Variants in SPAG16 observed in about 807,000 individuals in gnomAD.
The protein encoded by SPAG16 is sperm associated antigen 16.
SPAG16 carries 86 observed loss-of-function variants against 80.4 expected under a neutral mutation model. That is an observed-to-expected ratio of 1.07 (90% CI 0.90 to 1.28). SPAG16 has a LOEUF of 1.28. Ranked by LOEUF, SPAG16 falls within the 50% of genes most tolerant of loss-of-function variation. The pLI, the probability that SPAG16 is intolerant of heterozygous loss-of-function variation, is 0.00. For missense variants in SPAG16, 870 were observed against 765.3 expected (o/e 1.14, Z -1.61); for synonymous variants, 294 against 265.9 (o/e 1.11, Z -1.03).
chr2:213,607,584 T>C (rs1464291058), intron 10 of SPAG16, among the ~76,000 whole-genome samples: 1 of 152,218 alleles, frequency 6.6e-6, no homozygotes, highest in Non-Finnish European at 1.5e-5. Flanking sequence ...ATTTTATATC[T>C]GATGAAGAAA....
At chr2:213,722,742 ACT>A (rs1470606005) in intron 10 of SPAG16, among the ~76,000 whole-genome samples, 2 of 152,124 alleles carry the variant, frequency 1.3e-5, no homozygotes, top group Non-Finnish European at 2.9e-5. Flanking sequence ...ATGCAGATTG[ACT>A]CTGAATTGTC....
At chr2:213,371,174 C>T (rs1192577988) in intron 8 of SPAG16, among the ~76,000 whole-genome samples, 1 of 151,904 alleles carries the variant, frequency 6.6e-6, no homozygotes, top group Non-Finnish European at 1.5e-5. Context: ...TTTGGGAAGC[C>T]GACGCAGGCG....
chr2:214,207,062 A>G lies in SPAG16; in HGVS notation c.1720+57796A>G, dbSNP rs1480126586. Among the ~76,000 whole-genome samples the G allele has an allele frequency of 2.0e-5, 3 of 152,172 alleles. No individual in the cohort carries two copies. The East Asian group carries it at 5.8e-4, about 29-fold the overall frequency. On this transcript the variant is annotated intron_variant, in intron 15 of 15. Coordinates refer to ENST00000331683, the MANE Select transcript of SPAG16 (RefSeq NM_024532.5). ...CTATTAAAGAGGTAGTTTCTTTAGA[A>G]TTGCCAGAACATTTAATCCTTCACT...
intron 10 of SPAG16, among the ~76,000 whole-genome samples, chr2:213,826,940 A>G (rs1202635476): frequency 6.6e-6 from 1 of 151,826 alleles, no homozygotes; most frequent in Admixed American, 6.6e-5. Flanking sequence ...ATATATCATC[A>G]TACTGAATTG....
At chr2:213,729,014 A>T (rs1177159262) in intron 10 of SPAG16, among the ~76,000 whole-genome samples, 3 of 147,698 alleles carry the variant, frequency 2.0e-5, no homozygotes, top group African/African-American at 7.5e-5. Flanking sequence ...TTATTTTTTG[A>T]TGGGGATAGT....
At chr2:214,172,260 A>C (rs1045307722) in intron 15 of SPAG16, among the ~76,000 whole-genome samples, 11 of 151,690 alleles carry the variant, frequency 7.3e-5, no homozygotes, top group Admixed American at 4.0e-4. Context: ...CCTACCCCAC[A>C]ACAGTCCCCA....
chr2:214,020,339 A>G (rs1187500140), intron 13 of SPAG16, among the ~76,000 whole-genome samples: 1 of 152,162 alleles, frequency 6.6e-6, no homozygotes, highest in Non-Finnish European at 1.5e-5. Flanking sequence ...CTGGTATTTT[A>G]TGTATGTAAT....
intron 12 of SPAG16, among the ~76,000 whole-genome samples, chr2:213,933,362 A>T (rs1294988422): frequency 6.6e-6 from 1 of 152,214 alleles, no homozygotes; most frequent in Non-Finnish European, 1.5e-5. Context: ...TTTAAAATGC[A>T]GCAATTTTAA....
intron 11 of SPAG16, among the ~76,000 whole-genome samples, chr2:213,920,385 T>C (rs192551454): frequency 0.01 from 1,598 of 152,298 alleles, 14 homozygotes; most frequent in Middle Eastern, 0.017. Flanking sequence ...CACTGGTCTG[T>C]ATACTGGCAG....
chr2:214,294,845 T>C (rs1303160072), intron 15 of SPAG16, among the ~76,000 whole-genome samples: 3 of 152,236 alleles, frequency 2.0e-5, no homozygotes, highest in African/African-American at 7.2e-5. Context: ...CCAATATGTT[T>C]TTCTGATGCC....
chr2:213,310,481 T>C (rs1019199739), intron 4 of SPAG16, among the ~76,000 whole-genome samples: 4 of 152,154 alleles, frequency 2.6e-5, no homozygotes, highest in South Asian at 2.1e-4. Flanking sequence ...CCTGGAGTTA[T>C]AAAACACAAA....
At chr2:214,058,872 A>G (rs1028890262) in intron 13 of SPAG16, among the ~76,000 whole-genome samples, 2 of 152,142 alleles carry the variant, frequency 1.3e-5, no homozygotes, top group Admixed American at 6.6e-5. Context: ...TATTAAATGT[A>G]TAACACAAGT....
intron 12 of SPAG16, among the ~76,000 whole-genome samples, chr2:213,994,482 A>G (rs969307520): frequency 3.3e-5 from 5 of 152,104 alleles, no homozygotes; most frequent in African/African-American, 1.2e-4. Context: ...TTAACTGATT[A>G]TAGATAAAAT....
intron 10 of SPAG16, among the ~76,000 whole-genome samples, chr2:213,685,088 C>G (rs1227470351): frequency 1.3e-5 from 2 of 152,148 alleles, no homozygotes; most frequent in African/African-American, 2.4e-5. Flanking sequence ...TCTGCCCAGA[C>G]AGAAGGGCTG....
intron 10 of SPAG16, among the ~76,000 whole-genome samples, chr2:213,859,410 C>T (rs550350559): frequency 6.6e-6 from 1 of 152,080 alleles, no homozygotes; most frequent in Admixed American, 6.6e-5. Flanking sequence ...CTGTAAAGAA[C>T]AGGTTCTTCT....
At chr2:213,329,964 C>T (rs890863150) in intron 5 of SPAG16, among the ~76,000 whole-genome samples, 15 of 152,230 alleles carry the variant, frequency 9.9e-5, no homozygotes, top group African/African-American at 4.8e-5. Context: ...AACCCAAAGC[C>T]TTGGCAGCTT....
intron 15 of SPAG16, among the ~76,000 whole-genome samples, chr2:214,379,445 G>A (rs1047428879): frequency 3.9e-5 from 6 of 152,206 alleles, no homozygotes; most frequent in African/African-American, 1.4e-4. Context: ...TCTTCCTTTT[G>A]TATTCCTTGG....
chr2:213,747,896 A>G (rs2067903397), intron 10 of SPAG16, among the ~76,000 whole-genome samples: 1 of 152,270 alleles, frequency 6.6e-6, no homozygotes, highest in Non-Finnish European at 1.5e-5. Context: ...TTGCCACAAT[A>G]AAACATATTC....
intron 11 of SPAG16, among the ~76,000 whole-genome samples, chr2:213,866,866 T>G (rs538440339): frequency 1.3e-5 from 2 of 152,222 alleles, no homozygotes; most frequent in Non-Finnish European, 2.9e-5. Flanking sequence ...GACTACTTTT[T>G]GTTGAACACT....
Sources: allele counts gnomAD v4.1 joint callset (sites outside exome capture counted in the v4.1 genomes callset), GRCh38; gene constraint gnomAD v4.1.1; transcripts MANE v1.5; gene names NCBI Gene and HGNC (gene_info 2026-07-23, HGNC 2026-07-21).